Variants in PDE1C observed in about 807,000 individuals in gnomAD.
PDE1C encodes the protein dual specificity calcium/calmodulin-dependent 3',5'-cyclic nucleotide phosphodiesterase 1C.
A neutral mutation model predicts 93.1 loss-of-function variants in PDE1C; 62 were observed. The ratio of observed to expected loss-of-function variants is 0.67; its 90% CI spans 0.54 to 0.82. The LOEUF is 0.82. Ranked by LOEUF, PDE1C falls within the 40% of genes least tolerant of loss-of-function variation. The pLI is 0.00. For synonymous variants in PDE1C, 325 were observed against 310.1 expected (o/e 1.05, Z -0.50); for missense variants, 742 against 884.6 (o/e 0.84, Z 2.04).
chr7:32,387,154 T>C (rs1784645181), intron 1 of PDE1C, among the ~76,000 whole-genome samples: 1 of 151,176 alleles, frequency 6.6e-6, no homozygotes, highest in Admixed American at 6.6e-5. Flanking sequence ...TAACCCTGAG[T>C]GGACACAGCA....
At chr7:32,204,564 G>A (rs4318970) in intron 2 of PDE1C, among the ~76,000 whole-genome samples, 51,762 of 152,064 alleles carry the variant, frequency 0.34, 9,416 homozygotes, top group Admixed American at 0.46. Flanking sequence ...TAGAGGAGAG[G>A]GATGCCACCA....
chr7:32,162,518 C>A (rs1801983680), intron 3 of PDE1C, among the ~76,000 whole-genome samples: 1 of 152,106 alleles, frequency 6.6e-6, no homozygotes, highest in Non-Finnish European at 1.5e-5. Flanking sequence ...GGATGCAGGT[C>A]TGACTCCCAG....
rs147116727 is a variant in PDE1C, at chr7:31,910,293, C to T, written c.129-29433G>A. Among the ~76,000 whole-genome samples, 57 of 152,216 alleles carry T rather than the reference C, an allele frequency of 3.7e-4. No homozygotes were observed. The East Asian group carries it at 0.011, about 29-fold the overall frequency. On this transcript the variant is annotated intron_variant, in intron 2 of 17. Transcript: ENST00000396191. ...ACAGTTCTTCAGGCAGTATTCTTTC[C>T]AACTGCTTGCCAGGTCCCACATCTG... is the stretch of plus-strand genomic sequence containing the variant.
intron 1 of PDE1C, among the ~76,000 whole-genome samples, chr7:32,410,720 C>G (rs550758876): frequency 2.0e-5 from 3 of 152,234 alleles, no homozygotes; most frequent in Admixed American, 2.0e-4. Context: ...CCTGCTCCTC[C>G]GCTTCCCGGA....
intron 2 of PDE1C, among the ~76,000 whole-genome samples, chr7:32,014,300 CAA>C (rs11306161): frequency 5.9e-5 from 9 of 151,464 alleles, no homozygotes; most frequent in Middle Eastern, 6.8e-3. Flanking sequence ...GCTATAACGT[CAA>C]AAAAAAAAAT....
chr7:31,966,423 T>A (rs13242489), intron 2 of PDE1C, among the ~76,000 whole-genome samples: 1 of 152,052 alleles, frequency 6.6e-6, no homozygotes, highest in Non-Finnish European at 1.5e-5. Context: ...CCTAAATATA[T>A]ATGCACCCAA....
intron 16 of PDE1C, among the ~76,000 whole-genome samples, chr7:31,795,877 C>T (rs1249943376): frequency 2.0e-5 from 3 of 151,544 alleles, no homozygotes; most frequent in African/African-American, 7.3e-5. Flanking sequence ...TTAATAATAA[C>T]TCTCATGGTT....
chr7:31,656,668 GA>G, the PDE1C span, among the ~76,000 whole-genome samples: 39 of 152,170 alleles, frequency 2.6e-4, no homozygotes, highest in African/African-American at 9.2e-4. Context: ...ATAGGTTGTA[GA>G]AGGAACTGAG....
At chr7:31,740,672 C>T in the PDE1C span, among the ~76,000 whole-genome samples, 2 of 152,136 alleles carry the variant, frequency 1.3e-5, no homozygotes, top group African/African-American at 4.8e-5. Context: ...AACTAGTTTT[C>T]TCAATGCTAA....
chr7:31,898,268 T>C (rs563899244), intron 2 of PDE1C, among the ~76,000 whole-genome samples: 19 of 152,238 alleles, frequency 1.2e-4, no homozygotes, highest in Admixed American at 2.6e-4. Flanking sequence ...ATAAAATACC[T>C]ATTAGAAAAT....
chr7:32,022,135 GA>G (rs976764966), intron 2 of PDE1C, among the ~76,000 whole-genome samples: 1 of 150,066 alleles, frequency 6.7e-6, no homozygotes, highest in African/African-American at 2.5e-5. Flanking sequence ...TTTAATGAGA[GA>G]AAAAAATGAA....
the PDE1C span, among the ~76,000 whole-genome samples, chr7:31,622,004 A>C: frequency 2.8e-5 from 4 of 143,444 alleles, no homozygotes; most frequent in South Asian, 2.4e-4. Flanking sequence ...AAAAGAGACA[A>C]AGAAGGCCAT....
At chr7:32,089,396 G>A (rs1017654326) in intron 3 of PDE1C, among the ~76,000 whole-genome samples, 6 of 152,146 alleles carry the variant, frequency 3.9e-5, no homozygotes, top group South Asian at 4.2e-4. Flanking sequence ...TGAGTTGAGA[G>A]GCTAGCTCTG....
chr7:32,127,910 T>C (rs1799676839), intron 3 of PDE1C, among the ~76,000 whole-genome samples: 1 of 151,942 alleles, frequency 6.6e-6, no homozygotes, highest in Admixed American at 6.6e-5. Context: ...CATTATGTTG[T>C]TTCTAGGAAA....
chr7:31,908,086 A>T (rs980801525), intron 2 of PDE1C, among the ~76,000 whole-genome samples: 4 of 152,204 alleles, frequency 2.6e-5, no homozygotes, highest in Non-Finnish European at 4.4e-5. Flanking sequence ...AAATGTTTTC[A>T]GTAGGAAAGC....
chr7:32,327,525 T>C (rs1783425822), intron 1 of PDE1C, among the ~76,000 whole-genome samples: 1 of 152,124 alleles, frequency 6.6e-6, no homozygotes, highest in Non-Finnish European at 1.5e-5. Flanking sequence ...TCCCAGCACT[T>C]TGGGAGGCCG....
chr7:32,060,333 T>C (rs553705200), intron 1 of PDE1C, among the ~76,000 whole-genome samples: 2 of 152,270 alleles, frequency 1.3e-5, no homozygotes, highest in Non-Finnish European at 2.9e-5. Flanking sequence ...CCAACTCTTA[T>C]CAAAACTGAC....
chr7:32,113,334 T>C (rs1798790779), intron 3 of PDE1C, among the ~76,000 whole-genome samples: 1 of 145,398 alleles, frequency 6.9e-6, no homozygotes. Flanking sequence ...TATATATATA[T>C]CTATCTCAAT....
chr7:32,063,506 G>T (rs1584663927), intron 1 of PDE1C, among the ~76,000 whole-genome samples: 1 of 152,304 alleles, frequency 6.6e-6, no homozygotes, highest in South Asian at 2.1e-4. Flanking sequence ...GCTCAGTCAA[G>T]ATATTAAGCA....
Sources: allele counts gnomAD v4.1 joint callset (sites outside exome capture counted in the v4.1 genomes callset), GRCh38; gene constraint gnomAD v4.1.1; transcripts MANE v1.5; gene names NCBI Gene and HGNC (gene_info 2026-07-23, HGNC 2026-07-21).